PSEN1: variants seen among roughly 807,000 people sequenced by gnomAD.
PSEN1 encodes the protein presenilin 1.
PSEN1 carries 15 observed loss-of-function variants against 53.5 expected under a neutral mutation model. The ratio of observed to expected loss-of-function variants is 0.28; its 90% CI spans 0.19 to 0.43. The LOEUF is 0.43. Among genes scored for constraint, PSEN1 ranks in the 20% least tolerant of loss-of-function variants. The probability of loss-of-function intolerance (pLI) is 1.00; values close to 1 mark genes in which losing one functional copy is unlikely to be tolerated. For synonymous variants in PSEN1, 208 were observed against 209.8 expected (o/e 0.99, Z 0.08); for missense variants, 387 against 571.2 (o/e 0.68, Z 3.29).
intron 4 of PSEN1, among the ~76,000 whole-genome samples, chr14:73,172,555 A>G (rs900747791): frequency 6.6e-6 from 1 of 152,210 alleles, no homozygotes; most frequent in Admixed American, 6.5e-5. Flanking sequence ...GAAAGTGACC[A>G]CGCTCCTTGG....
intron 8 of PSEN1, among the ~76,000 whole-genome samples, chr14:73,198,521 T>A (rs1048240846): frequency 2.0e-5 from 3 of 152,154 alleles, no homozygotes; most frequent in Non-Finnish European, 2.9e-5. Flanking sequence ...CGTGCCTTTG[T>A]AAGCTGGCAG....
intron 3 of PSEN1, among the ~76,000 whole-genome samples, chr14:73,150,578 A>G (rs965200012): frequency 1.3e-5 from 2 of 151,336 alleles, no homozygotes; most frequent in South Asian, 4.2e-4. Context: ...CCTGGCCAAC[A>G]TGGTGAAACC....
chr14:73,186,700 C>G (rs1429603742), intron 5 of PSEN1, among the ~76,000 whole-genome samples, 153 bp from the exon 6 acceptor site: 1 of 152,142 alleles, frequency 6.6e-6, no homozygotes, highest in Admixed American at 6.5e-5. Flanking sequence ...TTGCTTGAAC[C>G]CAGGAGGCAG....
chr14:73,143,988 TAAAAAAA>T (rs530235019), intron 1 of PSEN1, among the ~76,000 whole-genome samples: 7 of 53,196 alleles, frequency 1.3e-4, no homozygotes, highest in Admixed American at 3.7e-4. Flanking sequence ...CCTTGTCTCT[TAAAAAAA>T]AAAAAAAAAA....
chr14:73,139,821 T>C lies in PSEN1; in HGVS notation c.-136+3238T>C, dbSNP rs554020121. ...AAGAAACCCAGTAAATGTTTGTTGA[T>C]TGAAAGATATTAATACTCTTGCTTG... On this transcript the variant is annotated intron_variant, in intron 1 of 11. Coordinates refer to ENST00000324501, the MANE Select transcript of PSEN1 (RefSeq NM_000021.4). Among the ~76,000 whole-genome samples, 7 of 152,282 alleles carry C rather than the reference T, an allele frequency of 4.6e-5. No homozygotes were observed. The South Asian group carries it at 1.5e-3, about 32-fold the overall frequency.
intron 8 of PSEN1, among the ~76,000 whole-genome samples, chr14:73,199,003 C>T (rs983009289): frequency 6.6e-6 from 1 of 152,024 alleles, no homozygotes; most frequent in Non-Finnish European, 1.5e-5. Flanking sequence ...TTGAACTCCT[C>T]GGCTTAAGCG....
chr14:73,157,045 G>A (rs1435891965), intron 3 of PSEN1, among the ~76,000 whole-genome samples: 5 of 151,696 alleles, frequency 3.3e-5, no homozygotes, highest in Non-Finnish European at 7.4e-5. Flanking sequence ...TTTTCCTTTC[G>A]GAAATCCCTC....
intron 9 of PSEN1, chr14:73,208,824 G>A (rs1228106867): frequency 2.2e-6 from 1 of 454,638 alleles, no homozygotes; most frequent in Non-Finnish European, 4.4e-6. Flanking sequence ...TTCCGCCTAG[G>A]AGCCTGTCTG....
At chr14:73,160,465 GGAA>G (rs1178174710) in intron 3 of PSEN1, among the ~76,000 whole-genome samples, 2 of 152,120 alleles carry the variant, frequency 1.3e-5, no homozygotes, top group Non-Finnish European at 2.9e-5. Flanking sequence ...AATTTTTTGA[GGAA>G]CCTCCATATT....
chr14:73,172,169 A>C (rs1459107119), intron 4 of PSEN1, among the ~76,000 whole-genome samples: 1 of 152,190 alleles, frequency 6.6e-6, no homozygotes, highest in Non-Finnish European at 1.5e-5. Flanking sequence ...GGTGCTGCTG[A>C]TGTCAGCCCT....
At chr14:73,201,477 G>T (rs1899187202) in intron 8 of PSEN1, among the ~76,000 whole-genome samples, 1 of 152,236 alleles carries the variant, frequency 6.6e-6, no homozygotes, top group African/African-American at 2.4e-5. Flanking sequence ...TAGTGACATT[G>T]AAGAGAGCAG....
chr14:73,174,162 A>G, intron 5 of PSEN1: 1 of 189,668 alleles, frequency 5.3e-6, no homozygotes, highest in Non-Finnish European at 1.1e-5. Context: ...TAAAAGCAGA[A>G]AACAAAAAAA....
chr14:73,138,597 C>T (rs181519087), intron 1 of PSEN1, among the ~76,000 whole-genome samples: 3,473 of 152,080 alleles, frequency 0.023, 139 homozygotes, highest in African/African-American at 0.076. Flanking sequence ...AAGTGATCCT[C>T]CCGCCTTGGC....
chr14:73,215,495 A>G (rs1276221034), intron 10 of PSEN1, among the ~76,000 whole-genome samples: 3 of 151,824 alleles, frequency 2.0e-5, no homozygotes, highest in Non-Finnish European at 2.9e-5. Flanking sequence ...CGGCAGGATA[A>G]TTGCTTGAAA....
At chr14:73,210,013 A>G (rs1899614449) in intron 9 of PSEN1, among the ~76,000 whole-genome samples, 1 of 152,226 alleles carries the variant, frequency 6.6e-6, no homozygotes, top group African/African-American at 2.4e-5. Context: ...GTTATTTCCA[A>G]ACACTCCCCG....
In PSEN1 at chr14:73,220,592, G is replaced by A. The variant is rs985218120; in HGVS notation, c.*1303G>A. On this transcript the variant is annotated 3_prime_UTR_variant, in exon 12 of 12. Transcript: ENST00000324501. ...GGCAGAAGGAGAACCAACTGCCAAG[G>A]GGAAAGAGAAGGGGCCTCCAGCAGC... 2 of 152,238 alleles carry A rather than the reference G, an allele frequency of 1.3e-5. No individual in the cohort carries two copies. Among genetic ancestry groups the A allele is most frequent in the Admixed American group, 6.5e-5 (1 of 15,272 alleles). The allele number at this position is 152,238 out of a possible 1,614,324, so 9.4% of individuals were successfully genotyped here.
chr14:73,151,636 A>G (rs1213039741), intron 3 of PSEN1, among the ~76,000 whole-genome samples: 1 of 151,984 alleles, frequency 6.6e-6, no homozygotes, highest in South Asian at 2.1e-4. Context: ...ACTCACTGCA[A>G]CCTCGACCTC....
chr14:73,176,424 G>T (rs1176787562), intron 5 of PSEN1, among the ~76,000 whole-genome samples: 2 of 152,074 alleles, frequency 1.3e-5, no homozygotes, highest in East Asian at 3.8e-4. Flanking sequence ...TTTATTGGAG[G>T]GTGGAATTCT....
intron 8 of PSEN1, 83 bp from the exon 9 acceptor site, chr14:73,206,303 T>A (rs1899451770): frequency 1.1e-6 from 1 of 941,634 alleles, no homozygotes; most frequent in East Asian, 2.5e-5. Context: ...ACTGGCGATT[T>A]GTGTGGAGAA....
Sources: allele counts gnomAD v4.1 joint callset (sites outside exome capture counted in the v4.1 genomes callset), GRCh38; gene constraint gnomAD v4.1.1; transcripts MANE v1.5; gene names NCBI Gene and HGNC (gene_info 2026-07-23, HGNC 2026-07-21).